AGO2: variants seen among roughly 807,000 people sequenced by gnomAD.
AGO2 encodes the protein protein argonaute-2.
AGO2 carries 5 observed loss-of-function variants against 102.3 expected under a neutral mutation model. The ratio of observed to expected loss-of-function variants is 0.05; its 90% confidence interval spans 0.03 to 0.10. AGO2 has a LOEUF of 0.10. Ranked by LOEUF, AGO2 falls within the 10% of genes least tolerant of loss-of-function variation. AGO2 has a pLI of 1.00. For missense variants in AGO2, 541 were observed against 1,183.7 expected, an observed-to-expected ratio of 0.46 and a Z score of 7.97; for synonymous variants, 449 against 473.1, an observed-to-expected ratio of 0.95 and a Z score of 0.66.
At chr8:140,579,715 G>C (rs2132995903) in intron 2 of AGO2, among the ~76,000 whole-genome samples, 1 of 151,958 alleles carries the variant, frequency 6.6e-6, no homozygotes, top group African/African-American at 2.4e-5. Flanking sequence ...TTGAGATATA[G>C]AGACTGAGAA....
chr8:140,632,073 C>G (rs1220708951), intron 1 of AGO2, among the ~76,000 whole-genome samples: 2 of 152,216 alleles, frequency 1.3e-5, no homozygotes, highest in African/African-American at 4.8e-5. Flanking sequence ...TACAGGAGAG[C>G]ATTCACTGTA....
chr8:140,629,091 A>AAAAT (rs370612467), intron 1 of AGO2, among the ~76,000 whole-genome samples: 37 of 152,190 alleles, frequency 2.4e-4, no homozygotes, highest in South Asian at 8.3e-4. Context: ...ACTCTGTCTC[A>AAAAT]AAATAAATAA....
chr8:140,595,114 T>C (rs187146746), intron 1 of AGO2, among the ~76,000 whole-genome samples: 32 of 152,156 alleles, frequency 2.1e-4, no homozygotes, highest in Admixed American at 1.8e-3. Flanking sequence ...TAGGCATTTG[T>C]CCTAAGGAAA....
In AGO2 at chr8:140,539,186, C is replaced by T. The variant is rs2072749379; in HGVS notation, c.2169+134G>A. 2.3e-6 allele frequency: 3 copies of T among 1,279,712 alleles called. No individual in the cohort carries two copies. The highest frequency in any genetic ancestry group is 3.2e-6 in the Non-Finnish European group (3 of 944,836). The allele number at this position is 1,279,712 out of a possible 1,614,324, so 79.3% of individuals were successfully genotyped here. On this transcript the variant is annotated intron_variant, in intron 16 of 18. Coordinates refer to ENST00000220592, the MANE Select transcript of AGO2 (RefSeq NM_012154.5). This position sits in a 1 kb window ranked among gnomAD's most constrained non-coding sequence, Gnocchi z 4.7. ...TGTCTAAACCTGGGTCCCCATGAAG[C>T]CCCTTAGAGGACAGAGTCACCCTAG...
At position 140,539,221 on chromosome 8, in the gene AGO2, C is replaced by T. The variant is rs570579699; in HGVS notation, c.2169+99G>A. The T allele has an allele frequency of 1.3e-6, 2 of 1,486,112 alleles. No individual in the cohort carries two copies. Among genetic ancestry groups the T allele is most frequent in the African/African-American group, 1.4e-5 (1 of 69,692 alleles). The allele number at this position is 1,486,112 out of a possible 1,614,324, so 92.1% of individuals were successfully genotyped here. A position where few individuals can be genotyped will look rare whatever the true frequency, so the allele number is the denominator to read the frequency against. On this transcript the variant is annotated intron_variant, in intron 16 of 18. Coordinates refer to ENST00000220592, the MANE Select transcript of AGO2 (RefSeq NM_012154.5). This position sits in a 1 kb window ranked among gnomAD's most constrained non-coding sequence, Gnocchi z 4.7. ...GACAGAGTCACCCTAGAGCCTGGGACAGCGGCACTGTGGCCAGCAGGTTCT... is the reference window on the plus strand; with the variant it reads ...GACAGAGTCACCCTAGAGCCTGGGATAGCGGCACTGTGGCCAGCAGGTTCT...
chr8:140,642,132 T>C, the AGO2 span, among the ~76,000 whole-genome samples: 5 of 152,256 alleles, frequency 3.3e-5, no homozygotes, highest in South Asian at 4.2e-4. Flanking sequence ...ACAAAACCTC[T>C]GCACAGAAAT....
At chr8:140,571,137 C>T (rs1410601805) in intron 3 of AGO2, among the ~76,000 whole-genome samples, 3 of 152,202 alleles carry the variant, frequency 2.0e-5, no homozygotes, top group East Asian at 1.9e-4. Context: ...GGAAAACCAA[C>T]GTCTATCACC....
At chr8:140,595,911 AAT>A (rs1468968328) in intron 1 of AGO2, among the ~76,000 whole-genome samples, 1 of 119,098 alleles carries the variant, frequency 8.4e-6, no homozygotes, top group African/African-American at 3.4e-5. Context: ...TGTATTATAT[AAT>A]ATATATTATG....
At position 140,597,477 on chromosome 8, in the gene AGO2, C is replaced by T. The variant is rs2073864093; in HGVS notation, c.23-12166G>A. ...ATGGGGGCTGGGTGGCCCCCCCACC[C>T]CCCCCCCCCCGCCCCAGGCCTCCCT... is the stretch of plus-strand genomic sequence containing the variant. On this transcript the variant is annotated intron_variant, in intron 1 of 18. Coordinates refer to ENST00000220592, the MANE Select transcript of AGO2 (RefSeq NM_012154.5). 2.1e-5 allele frequency among the ~76,000 whole-genome samples: 3 copies of T among 141,440 alleles called. 1 individual carries two copies. Among genetic ancestry groups the T allele is most frequent in the African/African-American group, 8.1e-5 (3 of 37,042 alleles). The allele number at this position is 141,440 out of a possible 152,430, so 92.8% of individuals were successfully genotyped here. A position where few individuals can be genotyped will look rare whatever the true frequency, so the allele number is the denominator to read the frequency against.
chr8:140,610,775 C>G (rs992268817), intron 1 of AGO2, among the ~76,000 whole-genome samples: 13 of 152,224 alleles, frequency 8.5e-5, no homozygotes, highest in African/African-American at 2.7e-4. Context: ...CCAACCCCCC[C>G]ATATGCTCAA....
Position 140,521,639 on chromosome 8 carries a change from C to T in AGO2, c.*10405G>A, listed in dbSNP as rs1165289296. On this transcript the variant is annotated 3_prime_UTR_variant, in exon 19 of 19. Coordinates refer to ENST00000220592, the MANE Select transcript of AGO2 (RefSeq NM_012154.5). ...GTCATCAACCTATCTCATTTTCTTA[C>T]CTGTCAGAAAGCCTTCCTAACTTAC... The T allele has an allele frequency of 6.6e-6, 1 of 152,220 alleles. No individual in the cohort carries two copies. Among genetic ancestry groups the T allele is most frequent in the Non-Finnish European group, 1.5e-5 (1 of 68,040 alleles). 9.4% of individuals were successfully genotyped at this position (152,220 alleles called of 1,614,324 possible). A position where few individuals can be genotyped will look rare whatever the true frequency, so the allele number is the denominator to read the frequency against.
chr8:140,577,919 C>T (rs1034875892), intron 2 of AGO2, among the ~76,000 whole-genome samples: 2 of 152,264 alleles, frequency 1.3e-5, no homozygotes, highest in African/African-American at 4.8e-5. Context: ...TCCTGCACAC[C>T]CAGCACGGCG....
chr8:140,582,053 T>TA (rs1023811630), intron 2 of AGO2, among the ~76,000 whole-genome samples: 4 of 152,186 alleles, frequency 2.6e-5, no homozygotes, highest in African/African-American at 9.7e-5. Context: ...GTGACCACAA[T>TA]AAAAAATTCA....
At chr8:140,580,562 C>T (rs11985602) in intron 2 of AGO2, among the ~76,000 whole-genome samples, 43,133 of 152,040 alleles carry the variant, frequency 0.28, 6,426 homozygotes, top group Non-Finnish European at 0.33. Flanking sequence ...TCCCCTCCAG[C>T]GGCGCTGACC....
chr8:140,607,016 G>A (rs181691651), intron 1 of AGO2, among the ~76,000 whole-genome samples: 24 of 151,926 alleles, frequency 1.6e-4, no homozygotes, highest in Non-Finnish European at 2.9e-4. Flanking sequence ...TTGGGAGGCC[G>A]AGGTGGGTGG....
At chr8:140,599,739 C>G (rs978553848) in intron 1 of AGO2, among the ~76,000 whole-genome samples, 35 of 152,214 alleles carry the variant, frequency 2.3e-4, no homozygotes, top group African/African-American at 8.4e-4. Context: ...TGTTTTTCCC[C>G]GAGACAAGGT....
rs893273057 is a variant in AGO2 at position 140,557,440 on chromosome 8, A to C, written c.879-204T>G. Among the ~76,000 whole-genome samples the C allele has an allele frequency of 2.0e-5, 3 of 152,130 alleles. No homozygotes were observed. Among genetic ancestry groups the C allele is most frequent in the Non-Finnish European group, 2.9e-5 (2 of 68,018 alleles). On this transcript the variant is annotated intron_variant, in intron 7 of 18. Coordinates refer to ENST00000220592, the MANE Select transcript of AGO2 (RefSeq NM_012154.5). The surrounding 1 kb of genome is among the most constrained non-coding windows in gnomAD (Gnocchi z 5.9). ...TTCTCATTTTGTTTCTGGAGTTGGG[A>C]AACAAAAAATACCTACATGCATCAT...
At chr8:140,535,928 C>G (rs2072688092) in intron 16 of AGO2, among the ~76,000 whole-genome samples, 1 of 152,208 alleles carries the variant, frequency 6.6e-6, no homozygotes, top group Non-Finnish European at 1.5e-5. Context: ...ACGTACACAT[C>G]TAAAGCTAAA....
rs980655773 is a variant in AGO2 at position 140,532,560 on chromosome 8, G to C, written c.2327C>G (p.Ser776Cys). The change falls in exon 18 of 19, where the codon TCT (serine) becomes TGT (cysteine). Residue 776 changes from serine (S) to cysteine (C), a missense_variant. Around this residue, in one of 6 missense-constraint regions of AGO2, gnomAD observed 309 missense variants for 735.1 expected, o/e 0.42. Transcript: ENST00000220592. Reference protein sequence around the residue: ...HVLWDDNRFSSDELQILTYQL... With the variant: ...HVLWDDNRFSCDELQILTYQL... ...GTAGGTTAGGATCTGCAGCTCATCA[G>C]AGGAGAAACGATTGTCGTCCCAGAG... The C allele has an allele frequency of 1.9e-6, 3 of 1,614,180 alleles. No individual in the cohort carries two copies. The African/African-American group carries it at 4.0e-5, about 22-fold the overall frequency.
Sources: gnomAD v4.1 joint callset for allele counts (sites outside exome capture counted in the v4.1 genomes callset) on GRCh38, gnomAD v4.1.1 for gene constraint, gnomAD v4.1.1 regional missense constraint, Gnocchi (gnomAD v3.1) non-coding constraint, MANE v1.5 for transcripts, NCBI Gene and HGNC (gene_info 2026-07-23, HGNC 2026-07-21) for gene names.